The following ADAMTSL1 variants were observed in gnomAD, a reference collection of about 807,000 sequenced individuals.
The protein encoded by ADAMTSL1 is ADAMTS-like protein 1.
A neutral mutation model predicts 201.8 loss-of-function variants in ADAMTSL1; 126 were observed. The observed-to-expected ratio is 0.62, with a 90% CI of 0.54 to 0.72. The LOEUF is 0.72. Among genes scored for constraint, ADAMTSL1 ranks in the 30% least tolerant of loss-of-function variants. The probability of loss-of-function intolerance (pLI) is 0.00; values close to 1 mark genes in which losing one functional copy is unlikely to be tolerated. For missense variants in ADAMTSL1, 2,679 were observed against 2,277.8 expected (o/e 1.18, Z -3.59); for synonymous variants, 1,121 against 903.4 (o/e 1.24, Z -4.32).
chr9:18,851,994 G>A (rs778512356), intron 23 of ADAMTSL1, among the ~76,000 whole-genome samples: 1 of 152,176 alleles, frequency 6.6e-6, no homozygotes, highest in African/African-American at 2.4e-5. Flanking sequence ...TAGAGAGACA[G>A]TTTAACCACT....
chr9:18,037,805 C>G (rs1821264488), intron 1 of ADAMTSL1, among the ~76,000 whole-genome samples: 1 of 152,094 alleles, frequency 6.6e-6, no homozygotes, highest in Admixed American at 6.6e-5. Flanking sequence ...TGCATCCTCT[C>G]CAAATACAGC....
chr9:18,835,529 T>C (rs1490149420), intron 23 of ADAMTSL1, among the ~76,000 whole-genome samples: 1 of 152,102 alleles, frequency 6.6e-6, no homozygotes. Context: ...TTATTTTAGA[T>C]TCAGGAGGTA....
chr9:18,686,805 G>A (rs1830869348), intron 13 of ADAMTSL1, among the ~76,000 whole-genome samples: 1 of 152,078 alleles, frequency 6.6e-6, no homozygotes, highest in African/African-American at 2.4e-5. Context: ...AGCTATCAGT[G>A]GAGTTTAATG....
chr9:18,024,265 A>T (rs942777391), intron 1 of ADAMTSL1, among the ~76,000 whole-genome samples: 1 of 152,034 alleles, frequency 6.6e-6, no homozygotes, highest in Non-Finnish European at 1.5e-5. Context: ...TTATCTTTTT[A>T]TTGCAACTTT....
intron 2 of ADAMTSL1, among the ~76,000 whole-genome samples, chr9:18,285,512 C>T (rs1041517227): frequency 6.6e-6 from 1 of 152,010 alleles, no homozygotes; most frequent in Non-Finnish European, 1.5e-5. Context: ...TGTGTTTCAC[C>T]TTTTAAATAC....
At chr9:18,179,683 G>T (rs904876476) in intron 2 of ADAMTSL1, among the ~76,000 whole-genome samples, 1 of 152,186 alleles carries the variant, frequency 6.6e-6, no homozygotes, top group Non-Finnish European at 1.5e-5. Flanking sequence ...TCTCTCGGCA[G>T]AAACTCTACA....
intron 2 of ADAMTSL1, chr9:18,362,240 G>A (rs1297471248): frequency 6.6e-6 from 1 of 152,196 alleles, no homozygotes; most frequent in East Asian, 1.9e-4. Flanking sequence ...AGAGCAGAAT[G>A]CAAAAGCAGT....
At chr9:18,538,296 T>C (rs1002434842) in intron 3 of ADAMTSL1, among the ~76,000 whole-genome samples, 2 of 152,154 alleles carry the variant, frequency 1.3e-5, no homozygotes, top group African/African-American at 4.8e-5. Context: ...TGATTCACTC[T>C]TGTGATCTCC....
At chr9:18,088,939 G>A (rs1823886336) in intron 1 of ADAMTSL1, among the ~76,000 whole-genome samples, 1 of 152,110 alleles carries the variant, frequency 6.6e-6, no homozygotes, top group African/African-American at 2.4e-5. Flanking sequence ...GTATCCCCAT[G>A]TTCATTGCAG....
intron 1 of ADAMTSL1, among the ~76,000 whole-genome samples, chr9:17,938,624 G>A (rs1563908007): frequency 6.6e-6 from 1 of 152,134 alleles, no homozygotes; most frequent in Non-Finnish European, 1.5e-5. Context: ...GCAGAAAGTT[G>A]TCAGCTGGAT....
chr9:18,172,202 A>G (rs1022556365), intron 2 of ADAMTSL1, among the ~76,000 whole-genome samples: 18 of 152,040 alleles, frequency 1.2e-4, no homozygotes, highest in African/African-American at 4.1e-4. Flanking sequence ...GGTGCAGCAA[A>G]CAACCATGGC....
At chr9:18,822,832 C>T (rs1461908993) in intron 21 of ADAMTSL1, among the ~76,000 whole-genome samples, 1 of 152,144 alleles carries the variant, frequency 6.6e-6, no homozygotes, top group African/African-American at 2.4e-5. Flanking sequence ...TTGCATGTCT[C>T]AGTACACTCC....
At chr9:17,992,684 C>T (rs1194116596) in intron 1 of ADAMTSL1, among the ~76,000 whole-genome samples, 2 of 152,158 alleles carry the variant, frequency 1.3e-5, no homozygotes, top group African/African-American at 2.4e-5. Flanking sequence ...GCCATGATCA[C>T]ACCACTGCAC....
chr9:18,254,605 C>A (rs559628172), intron 2 of ADAMTSL1, among the ~76,000 whole-genome samples: 7 of 151,522 alleles, frequency 4.6e-5, no homozygotes, highest in Non-Finnish European at 8.8e-5. Context: ...CTTCGTGATC[C>A]GCCCGCCTCG....
intron 13 of ADAMTSL1, among the ~76,000 whole-genome samples, chr9:18,698,140 G>A (rs1046399878): frequency 6.6e-6 from 1 of 152,096 alleles, no homozygotes; most frequent in African/African-American, 2.4e-5. Context: ...TTAAATTAAT[G>A]TTTACTTTTT....
At chr9:18,271,666 T>C (rs1205927945) in intron 2 of ADAMTSL1, among the ~76,000 whole-genome samples, 3 of 152,172 alleles carry the variant, frequency 2.0e-5, no homozygotes, top group Admixed American at 1.3e-4. Flanking sequence ...AGCAGCATGA[T>C]TTATAATCCT....
intron 1 of ADAMTSL1, among the ~76,000 whole-genome samples, chr9:17,908,547 C>G (rs529760958): frequency 6.6e-6 from 1 of 152,154 alleles, no homozygotes; most frequent in South Asian, 2.1e-4. Context: ...ACCTCTGCCT[C>G]CTGGGTTCAA....
intron 4 of ADAMTSL1, among the ~76,000 whole-genome samples, chr9:18,599,890 C>T (rs1214280448): frequency 2.7e-5 from 4 of 150,556 alleles, no homozygotes; most frequent in Admixed American, 1.3e-4. Flanking sequence ...CGGTGGCTCA[C>T]GCCTGTAATC....
At chr9:18,161,147 C>G (rs1013774338) in intron 1 of ADAMTSL1, among the ~76,000 whole-genome samples, 1 of 152,054 alleles carries the variant, frequency 6.6e-6, no homozygotes, top group East Asian at 1.9e-4. Context: ...TAAACAAATA[C>G]ACAGCTATAA....
Sources: allele counts gnomAD v4.1 joint callset (sites outside exome capture counted in the v4.1 genomes callset), GRCh38; gene constraint gnomAD v4.1.1; transcripts MANE v1.5; gene names NCBI Gene and HGNC (gene_info 2026-07-23, HGNC 2026-07-21).